Variants in TTN observed in about 807,000 individuals in gnomAD.
TTN encodes the protein titin, also known as connectin.
Under a neutral mutation model 3,223.0 loss-of-function variants are expected in TTN, and 1,525 were observed. The observed-to-expected ratio is 0.47, with a 90% CI of 0.45 to 0.49. The LOEUF is 0.49. Ranked by LOEUF, TTN falls within the 20% of genes least tolerant of loss-of-function variation. The probability of loss-of-function intolerance (pLI) is 0.00; values close to 1 mark genes in which losing one functional copy is unlikely to be tolerated. For synonymous variants in TTN, 14,094 were observed against 15,161.0 expected (o/e 0.93, Z 5.17); for missense variants, 40,786 against 43,424.0 (o/e 0.94, Z 5.40).
chr2:178,681,330 C>T (rs970873440), intron 137 of TTN, 46 bp downstream of exon 137: 67 of 1,547,828 alleles, frequency 4.3e-5, no homozygotes, highest in Non-Finnish European at 5.9e-5. Flanking sequence ...GATTTTAGAA[C>T]ATACATAACA....
chr2:178,562,186 A>T lies in TTN; in HGVS notation c.83946T>A (p.Ile27982=). 1.2e-6 allele frequency: 2 copies of T among 1,612,994 alleles called. No individual in the cohort carries two copies. The highest frequency in any genetic ancestry group is 1.7e-6 in the Non-Finnish European group (2 of 1,179,510). ...GAGGTCTTCCTTTGAATGGCACATC[A>T]ATCTTAAGTTGTTCTCTAGCCTTTA... ...FNVKAREQLK[I]DVPFKGRPQA... The change falls in exon 326 of 363, where the codon ATT becomes ATA. Residue 27982 remains isoleucine (I), a synonymous_variant. Transcript: ENST00000589042.
In TTN at chr2:178,770,635, T is replaced by C; in HGVS notation, c.8157A>G (p.Thr2719=). The C allele has an allele frequency of 6.2e-7, 1 of 1,613,966 alleles. No homozygotes were observed. The highest frequency in any genetic ancestry group is 8.5e-7 in the Non-Finnish European group (1 of 1,179,996). The change falls in exon 35 of 363, where the codon ACA becomes ACG. Residue 2719 remains threonine (T), a synonymous_variant. Coordinates refer to ENST00000589042, the MANE Select transcript of TTN (RefSeq NM_001267550.2). ...IKKTLKNLTV[T]ETQDAVFTVE... is the part of the protein sequence containing the mutation. ...CAGTGAAAACAGCATCCTGTGTTTC[T>C]GTCACTGTGAGGTTCTTCAGAGTCT... is the stretch of plus-strand genomic sequence containing the variant.
rs1243488306 is a variant in TTN, at chr2:178,568,386, A to G, written c.77746T>C (p.Leu25916=). 19 of 1,613,210 alleles carry G rather than the reference A, an allele frequency of 1.2e-5. No individual in the cohort carries two copies. The highest frequency in any genetic ancestry group is 1.5e-5 in the Non-Finnish European group (18 of 1,179,530). ...ESITLSWNPP[L]YTGGCQITNY... Reference sequence around the variant, plus strand: ...GTGATTTGGCAGCCCCCTGTATATAATGGAGGGTTCCAAGATAATGTAATA... The same window carrying G: ...GTGATTTGGCAGCCCCCTGTATATAGTGGAGGGTTCCAAGATAATGTAATA... Residue 25916 remains leucine, a synonymous_variant, in exon 326 of 363, where the codon TTA becomes CTA. Coordinates refer to ENST00000589042, the MANE Select transcript of TTN (RefSeq NM_001267550.2).
At position 178,719,728 on chromosome 2, in the gene TTN, A is replaced by G. The variant is rs1049106432; in HGVS notation, c.23764T>C (p.Trp7922Arg). The change falls in exon 82 of 363, where the codon TGG (tryptophan) becomes CGG (arginine). Residue 7922 changes from tryptophan (W) to arginine (R), a missense_variant. Transcript: ENST00000589042. ...VTGTPELSAK[W>R]FKDGRELSAD... is the part of the protein sequence containing the mutation. ...GACAATTCTCTTCCATCTTTGAACC[A>G]CTTGGCTGAGAGTTCTGGTGTTCCA... 4 of 1,613,570 alleles carry G rather than the reference A, an allele frequency of 2.5e-6. No homozygotes were observed. The highest frequency in any genetic ancestry group is 2.5e-6 in the Non-Finnish European group (3 of 1,179,698).
rs563728001 is a variant in TTN, at chr2:178,718,542, T to C, written c.24564A>G (p.Ile8188Met). 1.4e-5 allele frequency: 22 copies of C among 1,613,698 alleles called. No individual in the cohort carries two copies. Among genetic ancestry groups the C allele is most frequent in the Non-Finnish European group, 1.8e-5 (21 of 1,179,698 alleles). Residue 8188 changes from isoleucine to methionine, a missense_variant, in exon 85 of 363, where the codon ATA (isoleucine) becomes ATG (methionine). Transcript: ENST00000589042. ...TGCCAGTGTATGTGGCCTCGAGAAC[T>C]ATGGGGCTTCCTGTCTCAACACTGA... ...ADFSVETGSP[I>M]VLEATYTGTP... is the part of the protein sequence containing the mutation.
chr2:178,766,810 T>C (rs528538799), intron 40 of TTN, among the ~76,000 whole-genome samples, 198 bp from the exon 41 acceptor site: 6 of 152,300 alleles, frequency 3.9e-5, no homozygotes, highest in Non-Finnish European at 8.8e-5. Context: ...TAAACTTCTC[T>C]TGTAGAGAAT....
chr2:178,755,505 G>A (rs989101625), intron 46 of TTN, among the ~76,000 whole-genome samples: 6 of 151,946 alleles, frequency 3.9e-5, no homozygotes, highest in Admixed American at 2.0e-4. Flanking sequence ...ACCCTATTTC[G>A]GCTCACTGCA....
At position 178,711,952 on chromosome 2, in the gene TTN, G is replaced by GTAA; in HGVS notation, c.27875_27877dup (p.Leu9292_Thr9293insIle). 1 of 1,596,180 alleles carries GTAA rather than the reference G, an allele frequency of 6.3e-7. No homozygotes were observed. The highest frequency in any genetic ancestry group is 8.5e-7 in the Non-Finnish European group (1 of 1,170,292). ...AAAAATATTGCAATCACCTTGAACGGTAAGGAAAGTTGATGCAGAAACTTC... is the reference window on the plus strand; with the variant it reads ...AAAAATATTGCAATCACCTTGAACGGTAATAAGGAAAGTTGATGCAGAAACTTC... On this transcript the variant is annotated inframe_insertion, in exon 96 of 363. Transcript: ENST00000589042.
In TTN at chr2:178,680,260, C is replaced by T; in HGVS notation, c.33412G>A (p.Val11138Ile). The part of the protein sequence containing the change: ...PVPRKEVAPP[V>I]RVPEVPKELE... ...AATGAGTGCCATTAGGTACCTCTAA[C>T]AGGTGGTGCTACTTCTTTTCTAGGG... The change falls in exon 139 of 363, where the codon GTT becomes ATT. Residue 11138 changes from valine to isoleucine, a missense_variant. By Grantham distance (29) the Val-to-Ile change is conservative (BLOSUM62 3). Coordinates refer to ENST00000589042, the MANE Select transcript of TTN (RefSeq NM_001267550.2). 2 of 1,612,108 alleles carry T rather than the reference C, an allele frequency of 1.2e-6. No homozygotes were observed. Among genetic ancestry groups the T allele is most frequent in the Non-Finnish European group, 1.7e-6 (2 of 1,179,054 alleles).
At chr2:178,680,646 C>T (rs1230886098) in intron 138 of TTN, among the ~76,000 whole-genome samples, 1 of 151,862 alleles carries the variant, frequency 6.6e-6, no homozygotes, top group Non-Finnish European at 1.5e-5. Context: ...AATTAGTATA[C>T]TTCATACTTA....
At position 178,710,810 on chromosome 2, in the gene TTN, G is replaced by A; in HGVS notation, c.28287C>T (p.Ser9429=). Reference sequence around the variant, plus strand: ...GTATTTCTCTGCTGTCTTTGGCCCAGCTGACCTTTATCGGTTGTGTGCCCG... The same window carrying A: ...GTATTTCTCTGCTGTCTTTGGCCCAACTGACCTTTATCGGTTGTGTGCCCG... The part of the protein sequence containing the change: ...HVTGTQPIKV[S]WAKDSREIRS... Residue 9429 remains serine (S), a synonymous_variant, in exon 98 of 363, where the codon AGC becomes AGT. Transcript: ENST00000589042. 1 of 1,613,888 alleles carries A rather than the reference G, an allele frequency of 6.2e-7. No individual in the cohort carries two copies. Among genetic ancestry groups the A allele is most frequent in the Non-Finnish European group, 8.5e-7 (1 of 1,179,842 alleles).
At chr2:178,764,404 T>C in intron 42 of TTN, 102 bp from the exon 43 acceptor site, 1 of 1,611,282 alleles carries the variant, frequency 6.2e-7, no homozygotes, top group Non-Finnish European at 8.5e-7. Flanking sequence ...TGCAGAGTGC[T>C]TTCAAAGTTG....
Position 178,591,208 on chromosome 2 carries a change from C to T in TTN, c.60517G>A (p.Gly20173Arg). The T allele has an allele frequency of 6.2e-7, 1 of 1,613,426 alleles. No homozygotes were observed. The highest frequency in any genetic ancestry group is 1.1e-5 in the South Asian group (1 of 91,066). ...AVHLTVLDVP[G>R]PPTGPINILD... The stretch of plus-strand genomic sequence containing the variant: ...ATATTAATAGGACCTGTTGGTGGCC[C>T]AGGAACATCAAGAACAGTAAGATGT... The change falls in exon 304 of 363, where the codon GGG (glycine) becomes AGG (arginine). Residue 20173 changes from glycine (G) to arginine (R), a missense_variant. By Grantham distance (125) the Gly-to-Arg change is moderately radical. Transcript: ENST00000589042.
At chr2:178,750,924 C>T (rs1295483163) in intron 47 of TTN, 1 of 1,612,888 alleles carries the variant, frequency 6.2e-7, no homozygotes, top group Non-Finnish European at 8.5e-7. Context: ...ACTAGAATTT[C>T]ACCATATAAA....
intron 359 of TTN, among the ~76,000 whole-genome samples, chr2:178,529,635 C>T (rs144826938): frequency 2.0e-3 from 310 of 152,292 alleles, no homozygotes; most frequent in African/African-American, 7.1e-3. Flanking sequence ...AAATTAGCAA[C>T]TGTGAAGGTT....
rs1215467586 is a variant in TTN, at chr2:178,710,700, T to G, written c.28397A>C (p.Gln9466Pro). The change falls in exon 98 of 363, where the codon CAA becomes CCA. Residue 9466 changes from glutamine to proline, a missense_variant. Coordinates refer to ENST00000589042, the MANE Select transcript of TTN (RefSeq NM_001267550.2). ...VLKVDKGDSG[Q>P]YTCYAVNEVG... ...TTCATTCACAGCATAGCAGGTATAT[T>G]GTCCAGAATCTCCTTTGTCTACTTT... is the stretch of plus-strand genomic sequence containing the variant. The G allele has an allele frequency of 1.2e-6, 2 of 1,613,624 alleles. No individual in the cohort carries two copies. Among genetic ancestry groups the G allele is most frequent in the African/African-American group, 2.7e-5 (2 of 75,050 alleles).
intron 20 of TTN, among the ~76,000 whole-genome samples, chr2:178,781,927 T>G (rs200528676): frequency 6.6e-6 from 1 of 151,272 alleles, no homozygotes; most frequent in Non-Finnish European, 1.5e-5. Flanking sequence ...TGTGTGTGTG[T>G]GTGGGTGTGT....
At position 178,774,271 on chromosome 2, in the gene TTN, C is replaced by T; in HGVS notation, c.6993G>A (p.Glu2331=). 3 of 1,614,090 alleles carry T rather than the reference C, an allele frequency of 1.9e-6. No homozygotes were observed. Among genetic ancestry groups the T allele is most frequent in the African/African-American group, 1.3e-5 (1 of 75,030 alleles). ...TGACAAAGCTGTATTCTCCCTGGTC[C>T]TCCTTGGTTACATCCTTGACCGTGA... The part of the protein sequence containing the change: ...QNLTVKDVTK[E]DQGEYSFVID... The change falls in exon 30 of 363, where the codon GAG becomes GAA. Residue 2331 remains glutamate (E), a synonymous_variant. Transcript: ENST00000589042.
chr2:178,752,545 A>G (rs904713276), intron 47 of TTN, among the ~76,000 whole-genome samples: 1 of 152,100 alleles, frequency 6.6e-6, no homozygotes, highest in Non-Finnish European at 1.5e-5. Flanking sequence ...ATACAGCCAT[A>G]AAGTCACAAT....
Sources: allele counts gnomAD v4.1 joint callset (sites outside exome capture counted in the v4.1 genomes callset), GRCh38; gene constraint gnomAD v4.1.1; transcripts MANE v1.5; gene names NCBI Gene and HGNC (gene_info 2026-07-23, HGNC 2026-07-21).